Variants in MARCHF1 observed in about 807,000 individuals in gnomAD.
MARCHF1 encodes membrane associated ring-CH-type finger 1, also known as E3 ubiquitin-protein ligase MARCHF1.
Under a neutral mutation model 54.2 loss-of-function variants are expected in MARCHF1, and 40 were observed. The observed-to-expected ratio is 0.74, with a 90% CI of 0.57 to 0.96. MARCHF1 has a LOEUF of 0.96. Ranked by LOEUF, MARCHF1 falls within the 40% of genes least tolerant of loss-of-function variation. MARCHF1 has a pLI of 0.00. For missense variants in MARCHF1, 586 were observed against 656.5 expected, an observed-to-expected ratio of 0.89 and a Z score of 1.17; for synonymous variants, 236 against 236.3, an observed-to-expected ratio of 1.00 and a Z score of 0.01.
intron 4 of MARCHF1, among the ~76,000 whole-genome samples, chr4:163,782,584 C>T (rs1331569545): frequency 1.4e-5 from 2 of 147,686 alleles, no homozygotes; most frequent in African/African-American, 5.0e-5. Context: ...GAAGGAGAAT[C>T]ACTTGAACTG....
chr4:164,084,443 G>A (rs1560896434), intron 2 of MARCHF1, among the ~76,000 whole-genome samples: 1 of 151,596 alleles, frequency 6.6e-6, no homozygotes, highest in Non-Finnish European at 1.5e-5. Context: ...TTTATATAAG[G>A]CATTTAAATA....
intron 3 of MARCHF1, among the ~76,000 whole-genome samples, chr4:163,887,556 T>C (rs1750566247): frequency 6.6e-6 from 1 of 152,174 alleles, no homozygotes; most frequent in South Asian, 2.1e-4. Context: ...AGAATTTGCA[T>C]TTTAACAAGA....
At chr4:163,645,446 G>GA (rs1742717731) in intron 5 of MARCHF1, among the ~76,000 whole-genome samples, 2 of 152,150 alleles carry the variant, frequency 1.3e-5, no homozygotes, top group African/African-American at 4.8e-5. Flanking sequence ...TCCAGCAAAC[G>GA]AGTCTATGGA....
chr4:163,909,422 C>G (rs1305964345), intron 3 of MARCHF1, among the ~76,000 whole-genome samples: 4 of 152,164 alleles, frequency 2.6e-5, no homozygotes, highest in African/African-American at 9.7e-5. Flanking sequence ...CACTTACAAT[C>G]ATGTTTAATC....
At chr4:163,853,907 G>A (rs1338816902) in intron 4 of MARCHF1, 114 bp downstream of exon 4, 9 of 843,290 alleles carry the variant, frequency 1.1e-5, no homozygotes, top group Non-Finnish European at 1.6e-5. Flanking sequence ...TAATACAAAT[G>A]CAAATACTGT....
At chr4:163,771,065 T>C (rs1345903009) in intron 4 of MARCHF1, among the ~76,000 whole-genome samples, 2 of 152,254 alleles carry the variant, frequency 1.3e-5, no homozygotes, top group Admixed American at 1.3e-4. Flanking sequence ...ATATTTTTTA[T>C]AGAAAAATAG....
chr4:163,894,193 A>C (rs1358709026), intron 3 of MARCHF1, among the ~76,000 whole-genome samples: 1 of 152,150 alleles, frequency 6.6e-6, no homozygotes, highest in Non-Finnish European at 1.5e-5. Context: ...GAGCTCAGCT[A>C]ACTGTAAGAA....
chr4:163,865,767 T>G (rs1750034092), intron 3 of MARCHF1, among the ~76,000 whole-genome samples: 1 of 151,806 alleles, frequency 6.6e-6, no homozygotes, highest in African/African-American at 2.4e-5. Flanking sequence ...AAAATCTAAA[T>G]AGTTAACATG....
intron 2 of MARCHF1, among the ~76,000 whole-genome samples, chr4:164,000,279 T>A (rs1753160944): frequency 6.6e-6 from 1 of 151,712 alleles, no homozygotes; most frequent in African/African-American, 2.4e-5. Context: ...GAAACATAGA[T>A]ATGCTAAATA....
At chr4:163,855,458 C>A (rs1005308462) in intron 3 of MARCHF1, among the ~76,000 whole-genome samples, 1 of 152,156 alleles carries the variant, frequency 6.6e-6, no homozygotes, top group Non-Finnish European at 1.5e-5. Flanking sequence ...TTGCACTCTA[C>A]AGAAAGTAAA....
At chr4:163,966,456 A>T (rs1191531238) in intron 3 of MARCHF1, among the ~76,000 whole-genome samples, 2 of 152,146 alleles carry the variant, frequency 1.3e-5, no homozygotes, top group Admixed American at 6.6e-5. Context: ...TATAATGAAC[A>T]TCTATGTAAC....
chr4:163,694,488 G>A (rs1744559035), intron 5 of MARCHF1, among the ~76,000 whole-genome samples: 1 of 152,192 alleles, frequency 6.6e-6, no homozygotes, highest in African/African-American at 2.4e-5. Flanking sequence ...AGGGGACAAA[G>A]TGAAGTGCAT....
intron 2 of MARCHF1, among the ~76,000 whole-genome samples, chr4:164,024,795 C>T (rs1407798478): frequency 2.6e-5 from 4 of 152,064 alleles, no homozygotes; most frequent in Admixed American, 1.3e-4. Flanking sequence ...GAGTCACATA[C>T]TGGATAAATA....
chr4:163,736,928 C>T (rs1445653366), intron 4 of MARCHF1, among the ~76,000 whole-genome samples: 1 of 151,924 alleles, frequency 6.6e-6, no homozygotes, highest in Non-Finnish European at 1.5e-5. Flanking sequence ...CTTAATACTC[C>T]AAAGTGAAAA....
chr4:164,367,388 G>T (rs991512447), intron 1 of MARCHF1, among the ~76,000 whole-genome samples: 12 of 152,112 alleles, frequency 7.9e-5, no homozygotes, highest in African/African-American at 2.6e-4. Flanking sequence ...AATCAGAAAT[G>T]TATTTGTATA....
intron 1 of MARCHF1, among the ~76,000 whole-genome samples, chr4:164,176,796 T>A (rs1369321446): frequency 6.6e-6 from 1 of 151,624 alleles, no homozygotes; most frequent in East Asian, 1.9e-4. Flanking sequence ...AACCAAGCAA[T>A]AGGTTTCTCA....
At chr4:163,811,177 A>G (rs1208872769) in intron 4 of MARCHF1, among the ~76,000 whole-genome samples, 3 of 152,024 alleles carry the variant, frequency 2.0e-5, no homozygotes, top group Admixed American at 6.6e-5. Flanking sequence ...CTTTTGTCTA[A>G]TTTTACAAAC....
intron 2 of MARCHF1, among the ~76,000 whole-genome samples, chr4:164,087,153 C>T (rs1168881108): frequency 6.6e-6 from 1 of 151,942 alleles, no homozygotes; most frequent in Admixed American, 6.6e-5. Context: ...ATGTTTTGGT[C>T]AATTTACTGA....
intron 5 of MARCHF1, among the ~76,000 whole-genome samples, chr4:163,685,993 G>A (rs779840332): frequency 5.9e-4 from 90 of 152,204 alleles, no homozygotes; most frequent in Admixed American, 1.8e-3. Flanking sequence ...TTTAGTATAA[G>A]TCTTAGTTTC....
Sources: gnomAD v4.1 joint callset for allele counts (sites outside exome capture counted in the v4.1 genomes callset) on GRCh38, gnomAD v4.1.1 for gene constraint, MANE v1.5 for transcripts, NCBI Gene and HGNC (gene_info 2026-07-23, HGNC 2026-07-21) for gene names.